The following CTNNAL1 variants were observed in gnomAD, a reference collection of about 807,000 sequenced individuals.
CTNNAL1 encodes catenin alpha like 1, also known as alpha-catulin.
In CTNNAL1, 69 loss-of-function variants were observed where a neutral mutation model predicts 93.6. The observed-to-expected ratio is 0.74, with a 90% CI of 0.61 to 0.90. CTNNAL1 has a LOEUF of 0.90. Ranked by LOEUF, CTNNAL1 falls within the 40% of genes least tolerant of loss-of-function variation. The pLI is 0.00. For synonymous variants in CTNNAL1, 286 were observed against 305.4 expected (o/e 0.94, Z 0.66); for missense variants, 836 against 862.0 (o/e 0.97, Z 0.38).
intron 14 of CTNNAL1, among the ~76,000 whole-genome samples, chr9:108,951,237 G>C (rs756300521): frequency 4.0e-5 from 6 of 148,812 alleles, no homozygotes; most frequent in Non-Finnish European, 8.9e-5. Flanking sequence ...GGATGGTCTC[G>C]ATCTCCTGAC....
intron 1 of CTNNAL1, among the ~76,000 whole-genome samples, chr9:109,012,190 G>T (rs1428382322): frequency 1.3e-5 from 2 of 152,034 alleles, no homozygotes; most frequent in Admixed American, 6.5e-5. Context: ...ATGTGTAACT[G>T]CTGTTTTCAA....
Position 109,013,303 on chromosome 9 carries a change from T to C in CTNNAL1, c.140A>G (p.Gln47Arg). The change falls in exon 1 of 19, where the codon CAG becomes CGG. Residue 47 changes from glutamine to arginine, a missense_variant and splice_region_variant. By Grantham distance (43) the Gln-to-Arg change is conservative. Transcript: ENST00000325551. ...GGGCCGCGCCAGGCGCCACTTTACCTGAGAAACCAGCGGGAGTAGCGTCTG... is the reference window on the plus strand; with the variant it reads ...GGGCCGCGCCAGGCGCCACTTTACCCGAGAAACCAGCGGGAGTAGCGTCTG... ...VEQTLLPLVSQITTLINHKDN... is the reference protein window; with the variant it reads ...VEQTLLPLVSRITTLINHKDN... 1 of 1,499,250 alleles carries C rather than the reference T, an allele frequency of 6.7e-7. No homozygotes were observed. Among genetic ancestry groups the C allele is most frequent in the Non-Finnish European group, 8.9e-7 (1 of 1,123,868 alleles). 92.9% of individuals were successfully genotyped at this position (1,499,250 alleles called of 1,614,324 possible).
intron 15 of CTNNAL1, among the ~76,000 whole-genome samples, chr9:108,944,344 T>C (rs1247119412): frequency 6.6e-6 from 1 of 152,178 alleles, no homozygotes; most frequent in African/African-American, 2.4e-5. Context: ...CTAGAGCTCA[T>C]CTCAAATATG....
intron 11 of CTNNAL1, among the ~76,000 whole-genome samples, chr9:108,961,449 C>A (rs1587953890): frequency 6.6e-6 from 1 of 152,128 alleles, no homozygotes; most frequent in Admixed American, 6.5e-5. Flanking sequence ...CTCAGTGAAA[C>A]CTACATAAAC....
At chr9:108,988,145 G>T (rs979104333) in intron 4 of CTNNAL1, among the ~76,000 whole-genome samples, 12 of 152,078 alleles carry the variant, frequency 7.9e-5, no homozygotes, top group African/African-American at 2.9e-4. Flanking sequence ...GCGCAGTGGC[G>T]TGATCTCAGC....
chr9:108,975,045 C>A (rs1394080531), intron 8 of CTNNAL1, among the ~76,000 whole-genome samples: 2 of 152,160 alleles, frequency 1.3e-5, no homozygotes, highest in East Asian at 3.9e-4. Context: ...CATCTGTAAT[C>A]CCAGCTACTC....
intron 1 of CTNNAL1, among the ~76,000 whole-genome samples, chr9:109,007,957 C>T (rs1827083895): frequency 6.6e-6 from 1 of 151,790 alleles, no homozygotes; most frequent in Admixed American, 6.6e-5. Context: ...TATTTTTTTT[C>T]ACTCAACATT....
At chr9:108,984,579 A>G in intron 4 of CTNNAL1, 143 bp from the exon 5 acceptor site, 2 of 558,376 alleles carry the variant, frequency 3.6e-6, no homozygotes, top group Non-Finnish European at 6.3e-6. Context: ...ATAAAGTTTT[A>G]CAAACTGTCA....
intron 15 of CTNNAL1, among the ~76,000 whole-genome samples, chr9:108,944,607 T>A (rs1216452103): frequency 1.3e-5 from 2 of 152,140 alleles, no homozygotes; most frequent in Admixed American, 1.3e-4. Flanking sequence ...AAAAAGAAGG[T>A]TGTACAGGTA....
intron 1 of CTNNAL1, among the ~76,000 whole-genome samples, chr9:109,006,040 G>A (rs1827015984): frequency 6.6e-6 from 1 of 152,084 alleles, no homozygotes; most frequent in African/African-American, 2.4e-5. Context: ...TAAAAGGTAG[G>A]TTCAAAAGTT....
intron 8 of CTNNAL1, among the ~76,000 whole-genome samples, chr9:108,973,861 A>C (rs1831187689): frequency 6.6e-6 from 1 of 152,208 alleles, no homozygotes; most frequent in African/African-American, 2.4e-5. Flanking sequence ...CTCCAAAATT[A>C]ACAATAGGAT....
intron 1 of CTNNAL1, among the ~76,000 whole-genome samples, chr9:109,006,920 T>C (rs73527209): frequency 6.6e-6 from 1 of 152,030 alleles, no homozygotes; most frequent in Non-Finnish European, 1.5e-5. Context: ...AAAATGGAAA[T>C]AATAATTGTA....
chr9:108,958,230 C>T (rs1438296279), intron 11 of CTNNAL1, among the ~76,000 whole-genome samples: 3 of 152,024 alleles, frequency 2.0e-5, no homozygotes, highest in African/African-American at 7.3e-5. Flanking sequence ...GTGCCCATGG[C>T]CCTAAAATGT....
intron 12 of CTNNAL1, among the ~76,000 whole-genome samples, chr9:108,955,177 G>A (rs188865777): frequency 1.3e-3 from 196 of 151,938 alleles, no homozygotes; most frequent in African/African-American, 4.5e-3. Context: ...GTAGAGACAC[G>A]GTTTCACCAT....
chr9:108,949,596 C>T (rs894852890), intron 14 of CTNNAL1, among the ~76,000 whole-genome samples: 14 of 152,188 alleles, frequency 9.2e-5, no homozygotes, highest in African/African-American at 3.4e-4. Flanking sequence ...GTAATCCCAG[C>T]ACTTTGGGAG....
At chr9:108,962,195 G>A (rs1419660543) in intron 11 of CTNNAL1, among the ~76,000 whole-genome samples, 2 of 152,126 alleles carry the variant, frequency 1.3e-5, no homozygotes, top group African/African-American at 4.8e-5. Flanking sequence ...GTTACTGAGA[G>A]GATTAAATGA....
chr9:108,985,378 C>T (rs772891985), intron 4 of CTNNAL1, among the ~76,000 whole-genome samples: 4 of 152,178 alleles, frequency 2.6e-5, no homozygotes, highest in Non-Finnish European at 4.4e-5. Flanking sequence ...TTCCCTGTCA[C>T]GTTAGCCTTT....
At chr9:109,013,238 C>A in intron 1 of CTNNAL1, 64 bp downstream of exon 1, 2 of 1,403,170 alleles carry the variant, frequency 1.4e-6, no homozygotes, top group South Asian at 3.1e-5. Flanking sequence ...GTCGTGCGAG[C>A]GGCGGCCGCC....
intron 1 of CTNNAL1, among the ~76,000 whole-genome samples, chr9:109,006,021 C>G (rs1156596644): frequency 1.3e-5 from 2 of 152,012 alleles, no homozygotes; most frequent in South Asian, 2.1e-4. Context: ...AAATTAGTTT[C>G]AAATGTTTTA....
Sources: allele counts gnomAD v4.1 joint callset (sites outside exome capture counted in the v4.1 genomes callset), GRCh38; gene constraint gnomAD v4.1.1; transcripts MANE v1.5; gene names NCBI Gene and HGNC (gene_info 2026-07-23, HGNC 2026-07-21).